RANBP2: variants seen among roughly 807,000 people sequenced by gnomAD.
The protein encoded by RANBP2 is E3 SUMO-protein ligase RanBP2.
RANBP2 carries 57 observed loss-of-function variants against 303.6 expected under a neutral mutation model. The ratio of observed to expected loss-of-function variants is 0.19; its 90% CI spans 0.15 to 0.23. The LOEUF is 0.23. Ranked by LOEUF, RANBP2 falls within the 10% of genes least tolerant of loss-of-function variation. The pLI, the probability that RANBP2 is intolerant of heterozygous loss-of-function variation, is 1.00. For missense variants in RANBP2, 3,138 were observed against 3,780.8 expected (o/e 0.83, Z 4.46); for synonymous variants, 1,167 against 1,301.5 (o/e 0.90, Z 2.23).
the RANBP2 span, among the ~76,000 whole-genome samples, chr2:109,446,561 T>A: frequency 6.6e-6 from 1 of 152,070 alleles, no homozygotes; most frequent in African/African-American, 2.4e-5. Context: ...GGTAGGCAGG[T>A]CTCTAGAAGG....
At chr2:109,227,638 A>G in the RANBP2 span, among the ~76,000 whole-genome samples, 21 of 152,122 alleles carry the variant, frequency 1.4e-4, no homozygotes, top group African/African-American at 5.1e-4. Flanking sequence ...GGCCATGCCC[A>G]CTGGCTTCAT....
chr2:109,129,431 A>G, the RANBP2 span: 1 of 1,481,596 alleles, frequency 6.7e-7, no homozygotes, highest in African/African-American at 1.5e-5. Context: ...GGGTGAAGAA[A>G]GTCACGGCGG....
At chr2:109,067,680 C>T in the RANBP2 span, among the ~76,000 whole-genome samples, 7 of 152,316 alleles carry the variant, frequency 4.6e-5, no homozygotes, top group Admixed American at 2.0e-4. Flanking sequence ...GGAATCAACC[C>T]GGACTCTGCC....
At chr2:109,699,364 C>T in the RANBP2 span, among the ~76,000 whole-genome samples, 3 of 152,154 alleles carry the variant, frequency 2.0e-5, no homozygotes, top group Admixed American at 6.5e-5. Context: ...GACCCCCACC[C>T]GCCTCCCTGT....
the RANBP2 span, chr2:109,553,296 AC>A: frequency 2.7e-6 from 4 of 1,498,442 alleles, no homozygotes; most frequent in Non-Finnish European, 3.6e-6. Flanking sequence ...TGTAATCCCA[AC>A]ACTTTGGGAG....
chr2:109,634,028 C>T, the RANBP2 span, among the ~76,000 whole-genome samples: 1 of 137,194 alleles, frequency 7.3e-6, no homozygotes, highest in Non-Finnish European at 1.5e-5. Context: ...GCTGAGACAG[C>T]AGAATCACTT....
chr2:108,796,013 G>A, the RANBP2 span, among the ~76,000 whole-genome samples: 1 of 152,116 alleles, frequency 6.6e-6, no homozygotes, highest in Non-Finnish European at 1.5e-5. Context: ...AAGTGCAATG[G>A]ATTAACTGGT....
chr2:109,027,103 G>A, the RANBP2 span, among the ~76,000 whole-genome samples: 1 of 152,112 alleles, frequency 6.6e-6, no homozygotes, highest in Non-Finnish European at 1.5e-5. Context: ...TTAGTTGAGC[G>A]TGGTGGTTCG....
At chr2:109,614,211 G>A in the RANBP2 span, 1 of 1,034,812 alleles carries the variant, frequency 9.7e-7, no homozygotes, top group Non-Finnish European at 1.2e-6. Flanking sequence ...GAAGTGGGCG[G>A]GCCTTGAGGC....
the RANBP2 span, among the ~76,000 whole-genome samples, chr2:109,391,366 G>A: frequency 1.3e-5 from 2 of 152,222 alleles, no homozygotes; most frequent in African/African-American, 4.8e-5. Flanking sequence ...GATGGGAAAG[G>A]CACATCTGCC....
At chr2:109,290,280 C>T in the RANBP2 span, among the ~76,000 whole-genome samples, 1 of 152,228 alleles carries the variant, frequency 6.6e-6, no homozygotes, top group Non-Finnish European at 1.5e-5. Context: ...GAAGTGAGAA[C>T]TTCTCTTTCT....
the RANBP2 span, among the ~76,000 whole-genome samples, chr2:109,455,229 C>G: frequency 6.6e-6 from 1 of 152,216 alleles, no homozygotes. Context: ...TCCAGGGTAG[C>G]GGCTGGCAGG....
the RANBP2 span, among the ~76,000 whole-genome samples, chr2:108,799,952 T>C: frequency 1.3e-5 from 2 of 152,068 alleles, no homozygotes; most frequent in African/African-American, 2.4e-5. Context: ...TTTCAAGTTG[T>C]TTAAAAAATT....
At chr2:108,910,499 A>G in the RANBP2 span, 1 of 1,613,890 alleles carries the variant, frequency 6.2e-7, no homozygotes, top group Non-Finnish European at 8.5e-7. Flanking sequence ...CAGCTTCTCA[A>G]ATTCATCCTT....
chr2:109,470,843 C>T, the RANBP2 span, among the ~76,000 whole-genome samples: 1 of 152,370 alleles, frequency 6.6e-6, no homozygotes. Context: ...CATTTCATTC[C>T]TTCTTCCTCA....
chr2:109,720,092 T>C, the RANBP2 span, among the ~76,000 whole-genome samples: 1 of 152,152 alleles, frequency 6.6e-6, no homozygotes, highest in Non-Finnish European at 1.5e-5. Context: ...CTCTTTGTGG[T>C]TGACATAAAT....
chr2:109,176,996 C>G, the RANBP2 span, among the ~76,000 whole-genome samples: 1 of 152,166 alleles, frequency 6.6e-6, no homozygotes, highest in African/African-American at 2.4e-5. Context: ...GAGCCCTGCA[C>G]TGGGGTGAGC....
At chr2:108,774,406 C>T (rs574611342) in intron 23 of RANBP2, among the ~76,000 whole-genome samples, 5 of 152,130 alleles carry the variant, frequency 3.3e-5, no homozygotes, top group African/African-American at 9.6e-5. Context: ...GGCTGCAGTG[C>T]GCTATGATTG....
the RANBP2 span, among the ~76,000 whole-genome samples, chr2:108,795,150 A>ATTTTTTTTTTTT: frequency 2.4e-5 from 2 of 85,012 alleles, no homozygotes; most frequent in Admixed American, 1.8e-4. Context: ...TCTAAAGTGT[A>ATTTTTTTTTTTT]TTTTTTTTTT....
Sources: gnomAD v4.1 joint callset for allele counts (sites outside exome capture counted in the v4.1 genomes callset) on GRCh38, gnomAD v4.1.1 for gene constraint, MANE v1.5 for transcripts, NCBI Gene and HGNC (gene_info 2026-07-23, HGNC 2026-07-21) for gene names.